The following CMTM8 variants were observed in gnomAD, a reference collection of about 807,000 sequenced individuals.
CMTM8 encodes CKLF like MARVEL transmembrane domain containing 8, also known as CKLF-like MARVEL transmembrane domain-containing protein 8.
Under a neutral mutation model 18.6 loss-of-function variants are expected in CMTM8, and 12 were observed. The ratio of observed to expected loss-of-function variants is 0.65; its 90% CI spans 0.41 to 1.05. The LOEUF is 1.05. Ranked by LOEUF, CMTM8 falls within the 50% of genes least tolerant of loss-of-function variation. The pLI is 0.00. For missense variants in CMTM8, 217 were observed against 227.2 expected, an observed-to-expected ratio of 0.95 and a Z score of 0.29; for synonymous variants, 87 against 90.6, an observed-to-expected ratio of 0.96 and a Z score of 0.23.
At chr3:32,262,557 C>A (rs1418043191) in intron 1 of CMTM8, among the ~76,000 whole-genome samples, 1 of 152,216 alleles carries the variant, frequency 6.6e-6, no homozygotes, top group East Asian at 1.9e-4. Flanking sequence ...CTAAAACATT[C>A]TAAGGACGTG....
At chr3:32,297,289 C>T (rs894785980) in intron 1 of CMTM8, among the ~76,000 whole-genome samples, 6 of 152,128 alleles carry the variant, frequency 3.9e-5, no homozygotes, top group Non-Finnish European at 8.8e-5. Flanking sequence ...AGTGATTCTC[C>T]TGCCTCAGCC....
chr3:32,255,925 G>A (rs1024060263), intron 1 of CMTM8, among the ~76,000 whole-genome samples: 30 of 151,912 alleles, frequency 2.0e-4, no homozygotes, highest in African/African-American at 5.8e-4. Context: ...ACAGGATTTC[G>A]CCGCATTGCC....
intron 1 of CMTM8, among the ~76,000 whole-genome samples, chr3:32,321,109 C>T (rs1049323587): frequency 1.3e-4 from 20 of 151,924 alleles, no homozygotes; most frequent in South Asian, 8.3e-4. Flanking sequence ...TTTATTTATA[C>T]GACCCATCAA....
At chr3:32,320,420 G>A (rs1696021044) in intron 1 of CMTM8, among the ~76,000 whole-genome samples, 1 of 152,172 alleles carries the variant, frequency 6.6e-6, no homozygotes, top group African/African-American at 2.4e-5. Context: ...AAATGTCCAG[G>A]ATAGGCAAAC....
chr3:32,254,786 C>G (rs767238987), intron 1 of CMTM8, among the ~76,000 whole-genome samples: 29 of 152,162 alleles, frequency 1.9e-4, no homozygotes, highest in South Asian at 8.3e-4. Context: ...TCAAAGTATA[C>G]AACTAAGTGG....
intron 1 of CMTM8, among the ~76,000 whole-genome samples, chr3:32,343,853 C>A (rs1376803830): frequency 6.6e-6 from 1 of 152,186 alleles, no homozygotes; most frequent in Non-Finnish European, 1.5e-5. Flanking sequence ...GCATGTGCCA[C>A]CACGCCTGGC....
chr3:32,282,170 A>G (rs1044675219), intron 1 of CMTM8, among the ~76,000 whole-genome samples: 3 of 152,222 alleles, frequency 2.0e-5, no homozygotes, highest in Non-Finnish European at 4.4e-5. Context: ...TAATACAGAG[A>G]ACAGAGAAAC....
chr3:32,238,849 C>A lies in CMTM8; in HGVS notation c.-124C>A. On this transcript the variant is annotated 5_prime_UTR_variant, in exon 1 of 4. Transcript: ENST00000307526. ...CCCCCGGCGGGCGCCCCCCTCGCACCTCCTGCCCCGCGCGGGCCGCGCTCC... is the reference window on the plus strand; with the variant it reads ...CCCCCGGCGGGCGCCCCCCTCGCACATCCTGCCCCGCGCGGGCCGCGCTCC... 2 of 893,080 alleles carry A rather than the reference C, an allele frequency of 2.2e-6. No homozygotes were observed. Among genetic ancestry groups the A allele is most frequent in the Non-Finnish European group, 3.0e-6 (2 of 668,144 alleles). 55.3% of individuals were successfully genotyped at this position (893,080 alleles called of 1,614,324 possible).
intron 1 of CMTM8, among the ~76,000 whole-genome samples, chr3:32,261,917 A>C (rs1702264695): frequency 6.6e-6 from 1 of 152,192 alleles, no homozygotes; most frequent in South Asian, 2.1e-4. Context: ...TCAACTGAAG[A>C]TGACAATCTA....
intron 1 of CMTM8, among the ~76,000 whole-genome samples, chr3:32,326,913 A>G (rs1349690115): frequency 1.3e-5 from 2 of 152,128 alleles, no homozygotes; most frequent in Non-Finnish European, 2.9e-5. Context: ...ACATGTCTTG[A>G]TGGGATTCCA....
At chr3:32,256,139 C>T (rs1702171048) in intron 1 of CMTM8, among the ~76,000 whole-genome samples, 1 of 152,182 alleles carries the variant, frequency 6.6e-6, no homozygotes, top group Non-Finnish European at 1.5e-5. Context: ...CACTCTGTCA[C>T]CTAGGCTGGA....
intron 1 of CMTM8, among the ~76,000 whole-genome samples, chr3:32,328,155 A>T (rs1696198523): frequency 6.6e-6 from 1 of 152,150 alleles, no homozygotes; most frequent in African/African-American, 2.4e-5. Flanking sequence ...CACGTGGATC[A>T]CTTGAGGCAG....
intron 1 of CMTM8, among the ~76,000 whole-genome samples, chr3:32,336,684 G>A (rs6776192): frequency 0.17 from 26,564 of 152,100 alleles, 2,812 homozygotes; most frequent in East Asian, 0.36. Context: ...GAAATGGAAG[G>A]AGCTGTTTTT....
chr3:32,239,609 T>G (rs1701918913), intron 1 of CMTM8, among the ~76,000 whole-genome samples: 1 of 152,246 alleles, frequency 6.6e-6, no homozygotes, highest in Non-Finnish European at 1.5e-5. Context: ...AAAATCTGAG[T>G]GCCATAACCT....
chr3:32,239,532 C>T (rs1701917145), intron 1 of CMTM8, among the ~76,000 whole-genome samples: 1 of 151,986 alleles, frequency 6.6e-6, no homozygotes, highest in Non-Finnish European at 1.5e-5. Flanking sequence ...GAGGAAAGGG[C>T]TTCTTTCTTT....
At chr3:32,276,862 G>T (rs1175752599) in intron 1 of CMTM8, among the ~76,000 whole-genome samples, 1 of 151,830 alleles carries the variant, frequency 6.6e-6, no homozygotes, top group East Asian at 1.9e-4. Flanking sequence ...CTTGCTTCAT[G>T]ATTCTAATAT....
In CMTM8 at chr3:32,332,547, A is replaced by G. The variant is rs1224491824; in HGVS notation, c.148-24826A>G. Reference sequence around the variant, plus strand: ...ATCTGGCCTGTAGGGTAAAGGCCTCATGGGGAGGGGCTGAGAAACAAGGTT... The same window carrying G: ...ATCTGGCCTGTAGGGTAAAGGCCTCGTGGGGAGGGGCTGAGAAACAAGGTT... On this transcript the variant is annotated intron_variant, in intron 1 of 3. Transcript: ENST00000307526. Among the ~76,000 whole-genome samples the G allele has an allele frequency of 2.0e-5, 3 of 152,110 alleles. No homozygotes were observed. In the East Asian group the frequency reaches 5.8e-4, roughly 29 times the overall value.
chr3:32,247,604 G>T (rs910185384), intron 1 of CMTM8, among the ~76,000 whole-genome samples: 12 of 152,116 alleles, frequency 7.9e-5, no homozygotes, highest in African/African-American at 2.9e-4. Flanking sequence ...GAGATTACAG[G>T]CGTGCACCAC....
At chr3:32,312,725 C>T (rs1231163972) in intron 1 of CMTM8, among the ~76,000 whole-genome samples, 2 of 151,778 alleles carry the variant, frequency 1.3e-5, no homozygotes, top group Admixed American at 6.6e-5. Context: ...GTTGGGATGT[C>T]GGGCTGAAGG....
Sources: allele counts gnomAD v4.1 joint callset (sites outside exome capture counted in the v4.1 genomes callset), GRCh38; gene constraint gnomAD v4.1.1; transcripts MANE v1.5; gene names NCBI Gene and HGNC (gene_info 2026-07-23, HGNC 2026-07-21).